The following KALRN variants were observed in gnomAD, a reference collection of about 807,000 sequenced individuals.
The protein encoded by KALRN is kalirin.
Under a neutral mutation model 353.7 loss-of-function variants are expected in KALRN, and 70 were observed. The ratio of observed to expected loss-of-function variants is 0.20; its 90% confidence interval spans 0.16 to 0.24. The LOEUF (loss-of-function observed/expected upper bound fraction) is 0.24. KALRN is among the 10% of genes least tolerant of loss of function. The pLI is 1.00. For missense variants in KALRN, 2,791 were observed against 3,756.7 expected, an observed-to-expected ratio of 0.74 and a Z score of 6.72; for synonymous variants, 1,391 against 1,434.8, an observed-to-expected ratio of 0.97 and a Z score of 0.69.
At chr3:124,470,396 A>G (rs1342630183) in intron 25 of KALRN, among the ~76,000 whole-genome samples, 3 of 152,248 alleles carry the variant, frequency 2.0e-5, no homozygotes, top group Non-Finnish European at 4.4e-5. Flanking sequence ...ATAATCTGTC[A>G]TCTTCATAAG....
chr3:124,632,999 T>A (rs1340393190), intron 35 of KALRN, among the ~76,000 whole-genome samples: 1 of 152,182 alleles, frequency 6.6e-6, no homozygotes, highest in African/African-American at 2.4e-5. Flanking sequence ...AAGGACTACA[T>A]TAAAACCAGC....
intron 28 of KALRN, among the ~76,000 whole-genome samples, chr3:124,484,078 G>T (rs1324507705): frequency 6.6e-6 from 1 of 152,202 alleles, no homozygotes; most frequent in African/African-American, 2.4e-5. Flanking sequence ...TAATTTCAGA[G>T]AAAATCTGAT....
At chr3:124,436,058 A>G (rs1265250541) in intron 17 of KALRN, among the ~76,000 whole-genome samples, 1 of 152,244 alleles carries the variant, frequency 6.6e-6, no homozygotes, top group Non-Finnish European at 1.5e-5. Flanking sequence ...AAATAGATCC[A>G]CATATATACA....
At chr3:124,414,019 T>C (rs1049434504) in intron 14 of KALRN, among the ~76,000 whole-genome samples, 3 of 151,766 alleles carry the variant, frequency 2.0e-5, no homozygotes, top group African/African-American at 7.3e-5. Context: ...GGCAGGAGAA[T>C]CGCTTCAACC....
chr3:124,659,228 T>A lies in KALRN; in HGVS notation c.6124-137T>A. ...AAGTGAACAGTCCTCTAGGCAATTT[T>A]ACCTCTCACATTACTTAAAGATTCT... is the stretch of plus-strand genomic sequence containing the variant. On this transcript the variant is annotated intron_variant, in intron 42 of 59. Transcript: ENST00000682506. The A allele has an allele frequency of 4.3e-6, 3 of 692,286 alleles. No homozygotes were observed. The South Asian group carries it at 5.0e-5, about 11-fold the overall frequency. 42.9% of individuals were successfully genotyped at this position (692,286 alleles called of 1,614,324 possible).
chr3:124,492,746 A>G lies in KALRN; in HGVS notation c.4696A>G (p.Asn1566Asp). 1.2e-6 allele frequency: 2 copies of G among 1,613,978 alleles called. No individual in the cohort carries two copies. The highest frequency in any genetic ancestry group is 1.7e-6 in the Non-Finnish European group (2 of 1,179,932). The change falls in exon 32 of 60, where the codon AAC becomes GAC. Residue 1566 changes from asparagine to aspartate, a missense_variant. By Grantham distance (23) the Asn-to-Asp change is conservative (BLOSUM62 1). This residue lies in a region of KALRN where 239 missense variants were observed against 351.3 expected (regional missense o/e 0.68). Coordinates refer to ENST00000682506, the MANE Select transcript of KALRN (RefSeq NM_001388419.1). ...SDNKTVLKAS[N>D]IETKQEWIKN... ...TCTCCCTGTGGCACTCTAGGCCTCC[A>G]ACATTGAAACCAAGCAGGAGTGGAT...
intron 1 of KALRN, among the ~76,000 whole-genome samples, chr3:124,195,048 C>G (rs2075294838): frequency 6.6e-6 from 1 of 152,132 alleles, no homozygotes; most frequent in Admixed American, 6.5e-5. Context: ...GTACAAGTGT[C>G]TGTGGCCCCA....
chr3:124,359,658 C>A (rs1366905409), intron 10 of KALRN, among the ~76,000 whole-genome samples: 7 of 152,078 alleles, frequency 4.6e-5, no homozygotes, highest in African/African-American at 1.7e-4. Flanking sequence ...TGACACCTAC[C>A]CTGAAGAGTG....
chr3:124,315,132 A>G (rs544206354), intron 6 of KALRN, among the ~76,000 whole-genome samples: 11 of 152,330 alleles, frequency 7.2e-5, no homozygotes, highest in African/African-American at 2.4e-4. Context: ...TATCTAAACT[A>G]CAGGAGAAGA....
intron 37 of KALRN, among the ~76,000 whole-genome samples, chr3:124,642,909 CG>C (rs2082264349): frequency 6.7e-6 from 1 of 150,086 alleles, no homozygotes; most frequent in African/African-American, 2.5e-5. Context: ...CTCCGCCTCC[CG>C]GGTTCAAGCT....
rs2150667645 is a variant in KALRN at position 124,699,976 on chromosome 3, C to T, written c.7939C>T (p.Pro2647Ser). 1.2e-6 allele frequency: 2 copies of T among 1,614,110 alleles called. No individual in the cohort carries two copies. Among genetic ancestry groups the T allele is most frequent in the Middle Eastern group, 1.7e-4 (1 of 6,058 alleles). ...TCAGTTCAGAGTCAGTGCCAGTAACCCCTGGGGAATCAGCCTTCCCAGCGA... is the reference window on the plus strand; with the variant it reads ...TCAGTTCAGAGTCAGTGCCAGTAACTCCTGGGGAATCAGCCTTCCCAGCGA... Reference protein sequence around the residue: ...PYQFRVSASNPWGISLPSEPS... With the variant: ...PYQFRVSASNSWGISLPSEPS... Residue 2647 changes from proline (P) to serine (S), a missense_variant, in exon 56 of 60, where the codon CCC becomes TCC. This residue lies in a region of KALRN where 1,065 missense variants were observed against 1,156.4 expected (regional missense o/e 0.92). Transcript: ENST00000682506.
chr3:124,411,433 C>CTTTTTTTTTTTTT lies in KALRN; in HGVS notation c.2347-2021_2347-2009dup, dbSNP rs61485429. Among the ~76,000 whole-genome samples, 378 of 51,482 alleles carry CTTTTTTTTTTTTT rather than the reference C, an allele frequency of 7.3e-3. 94 individuals are homozygous for CTTTTTTTTTTTTT. The highest frequency in any genetic ancestry group is 0.012 in the South Asian group (10 of 814). 33.8% of individuals were successfully genotyped at this position (51,482 alleles called of 152,430 possible). A position where few individuals can be genotyped will look rare whatever the true frequency, so the allele number is the denominator to read the frequency against. On this transcript the variant is annotated intron_variant, in intron 13 of 59. Coordinates refer to ENST00000682506, the MANE Select transcript of KALRN (RefSeq NM_001388419.1). ...AAGCCTATGTATACTTTAAATTATGCTTTTTTTTTTTTTTTTTTTTTTTTT... is the reference window on the plus strand; with the variant it reads ...AAGCCTATGTATACTTTAAATTATGCTTTTTTTTTTTTTTTTTTTTTTTTTTTTTTTTTTTTTT...
chr3:124,233,182 G>T (rs2079370350), intron 2 of KALRN, among the ~76,000 whole-genome samples: 1 of 152,054 alleles, frequency 6.6e-6, no homozygotes, highest in South Asian at 2.1e-4. Flanking sequence ...GTCCAAGGAA[G>T]GTCAGGAAAA....
chr3:124,332,070 C>T (rs914302111), intron 8 of KALRN, among the ~76,000 whole-genome samples: 1 of 152,206 alleles, frequency 6.6e-6, no homozygotes, highest in Non-Finnish European at 1.5e-5. Context: ...GGCATCACCT[C>T]TGCATTATGT....
At position 124,187,590 on chromosome 3, in the gene KALRN, G is replaced by C. The variant is rs116206052; in HGVS notation, c.74-40400G>C. 5.8e-3 allele frequency among the ~76,000 whole-genome samples: 879 copies of C among 152,302 alleles called. 4 individuals are homozygous for C. The highest frequency in any genetic ancestry group is 0.016 in the South Asian group (75 of 4,834). On this transcript the variant is annotated intron_variant, in intron 1 of 59. Transcript: ENST00000682506. The stretch of plus-strand genomic sequence containing the variant: ...TGTGGGGAGGGGCAGAGAGGAGAGA[G>C]GCCATGAATGGCAGAGTAATCAGCC...
intron 1 of KALRN, among the ~76,000 whole-genome samples, chr3:124,197,286 A>G (rs757445291): frequency 1.3e-5 from 2 of 152,212 alleles, no homozygotes; most frequent in African/African-American, 2.4e-5. Context: ...CTGAACATCC[A>G]TGATGCTGGG....
chr3:124,592,309 C>CAAAAAAAAAA (rs10575664), intron 34 of KALRN, among the ~76,000 whole-genome samples: 62 of 120,556 alleles, frequency 5.1e-4, no homozygotes, highest in South Asian at 5.7e-4. Flanking sequence ...CTCAAAGAAA[C>CAAAAAAAAAA]AAAAAAAAAA....
intron 12 of KALRN, chr3:124,395,579 C>G (rs1201678400): frequency 1.2e-5 from 6 of 497,234 alleles, no homozygotes; most frequent in African/African-American, 1.2e-4. Flanking sequence ...GTTATTCAGC[C>G]ATCAGTAAGT....
At chr3:124,323,409 G>C (rs996763315) in intron 6 of KALRN, among the ~76,000 whole-genome samples, 2 of 152,294 alleles carry the variant, frequency 1.3e-5, no homozygotes, top group Middle Eastern at 3.4e-3. Context: ...TGGGCAGGGG[G>C]TGGATGGGCA....
Sources: allele counts gnomAD v4.1 joint callset (sites outside exome capture counted in the v4.1 genomes callset), GRCh38; gene constraint gnomAD v4.1.1; regional missense constraint gnomAD v4.1.1; transcripts MANE v1.5; gene names NCBI Gene and HGNC (gene_info 2026-07-23, HGNC 2026-07-21).